Variants in CACNB2 observed in about 807,000 individuals in gnomAD.
The protein encoded by CACNB2 is calcium voltage-gated channel auxiliary subunit beta 2, also known as voltage-dependent L-type calcium channel subunit beta-2.
CACNB2 carries 42 observed loss-of-function variants against 73.3 expected under a neutral mutation model. The observed-to-expected ratio is 0.57, with a 90% CI of 0.45 to 0.74. The LOEUF (loss-of-function observed/expected upper bound fraction) is 0.74, where lower values mean the gene tolerates loss of function less well. Among genes scored for constraint, CACNB2 ranks in the 30% least tolerant of loss-of-function variants. CACNB2 has a pLI of 0.00. For missense variants in CACNB2, 940 were observed against 853.0 expected (o/e 1.10, Z -1.27); for synonymous variants, 348 against 310.3 (o/e 1.12, Z -1.28).
intron 6 of CACNB2, among the ~76,000 whole-genome samples, chr10:18,510,931 C>T (rs571810700): frequency 1.8e-4 from 28 of 152,336 alleles, no homozygotes; most frequent in African/African-American, 6.7e-4. Context: ...GCGCTGACAA[C>T]ATGCTGCTTG....
At chr10:18,255,512 C>T (rs112088382) in intron 2 of CACNB2, among the ~76,000 whole-genome samples, 304 of 152,182 alleles carry the variant, frequency 2.0e-3, no homozygotes, top group Non-Finnish European at 3.0e-3. Context: ...TGCCTTGCCC[C>T]CTGGACTTTA....
At chr10:18,399,365 T>G (rs1287820311) in intron 2 of CACNB2, among the ~76,000 whole-genome samples, 2 of 152,168 alleles carry the variant, frequency 1.3e-5, no homozygotes, top group African/African-American at 2.4e-5. Context: ...CCCATGCATT[T>G]TACAGTCACA....
rs375524475 is a variant in CACNB2 at position 18,460,766 on chromosome 10, T to A, written c.334-37589T>A. Among the ~76,000 whole-genome samples the A allele has an allele frequency of 1.9e-4, 29 of 151,954 alleles. No individual in the cohort carries two copies. The East Asian group carries it at 4.7e-3, about 24-fold the overall frequency. The stretch of plus-strand genomic sequence containing the variant: ...ATTATTATGTATGGTAGGGCACACC[T>A]GTGGCCCCAGCTACTCAGGAAGATG... On this transcript the variant is annotated intron_variant, in intron 3 of 13. Coordinates refer to ENST00000324631, the MANE Select transcript of CACNB2 (RefSeq NM_201596.3).
chr10:18,316,529 C>T (rs1481244148), intron 2 of CACNB2, among the ~76,000 whole-genome samples: 1 of 151,566 alleles, frequency 6.6e-6, no homozygotes, highest in East Asian at 1.9e-4. Flanking sequence ...AGTGGTGTGG[C>T]CATAGCTCAT....
chr10:18,356,319 C>A (rs1027877507), intron 2 of CACNB2, among the ~76,000 whole-genome samples: 1 of 152,240 alleles, frequency 6.6e-6, no homozygotes, highest in Admixed American at 6.5e-5. Context: ...TGTCTATACC[C>A]TGTGCTCTGT....
chr10:18,185,512 T>C (rs1016739831), intron 2 of CACNB2, among the ~76,000 whole-genome samples: 7 of 152,200 alleles, frequency 4.6e-5, no homozygotes, highest in African/African-American at 1.4e-4. Context: ...GCCCTGGAAA[T>C]GTTGAAAGGA....
At chr10:18,291,142 G>A (rs1428523029) in intron 2 of CACNB2, among the ~76,000 whole-genome samples, 2 of 152,214 alleles carry the variant, frequency 1.3e-5, no homozygotes, top group South Asian at 2.1e-4. Flanking sequence ...GTACTTACAG[G>A]TACTCATTGT....
chr10:18,498,537 T>G, intron 4 of CACNB2, 60 bp downstream of exon 4: 2 of 1,565,360 alleles, frequency 1.3e-6, no homozygotes, highest in Non-Finnish European at 1.8e-6. Context: ...TACCATTTCT[T>G]ATTTCCTATT....
At chr10:18,177,123 G>T (rs1200598486) in intron 2 of CACNB2, among the ~76,000 whole-genome samples, 5 of 152,112 alleles carry the variant, frequency 3.3e-5, no homozygotes, top group African/African-American at 1.2e-4. Flanking sequence ...AGAAGCAGAA[G>T]TGCCTGTTAG....
intron 2 of CACNB2, chr10:18,261,199 G>A (rs2037520601): frequency 6.5e-7 from 1 of 1,549,550 alleles, no homozygotes; most frequent in Non-Finnish European, 8.7e-7. Context: ...ATGGACCGAG[G>A]CTGTGACGAG....
chr10:18,427,606 G>A lies in CACNB2; in HGVS notation c.333+25563G>A, dbSNP rs1428568769. Reference sequence around the variant, plus strand: ...TAACTCACTGGGAAAATTCCTAAACGTACTGTGTTTTTTGTGCTTTGGGAA... The same window carrying A: ...TAACTCACTGGGAAAATTCCTAAACATACTGTGTTTTTTGTGCTTTGGGAA... On this transcript the variant is annotated intron_variant, in intron 3 of 13. Transcript: ENST00000324631. Among the ~76,000 whole-genome samples, 6 of 152,230 alleles carry A rather than the reference G, an allele frequency of 3.9e-5. No individual in the cohort carries two copies. In the East Asian group the frequency reaches 5.8e-4, roughly 15 times the overall value.
chr10:18,151,048 C>A, intron 2 of CACNB2, 73 bp downstream of exon 2: 1 of 951,464 alleles, frequency 1.1e-6, no homozygotes, highest in Non-Finnish European at 1.7e-6. Context: ...GGGTTTCACT[C>A]TTTTCCTTAA....
chr10:18,274,044 T>A (rs1004860475), intron 2 of CACNB2, among the ~76,000 whole-genome samples: 1 of 152,306 alleles, frequency 6.6e-6, no homozygotes, highest in East Asian at 1.9e-4. Flanking sequence ...AAAGTTCCAC[T>A]CCTTGGGGGT....
intron 10 of CACNB2, among the ~76,000 whole-genome samples, chr10:18,530,356 A>G (rs911458830): frequency 3.3e-5 from 5 of 152,160 alleles, no homozygotes; most frequent in Non-Finnish European, 7.4e-5. Context: ...TGTTTGTTTT[A>G]CAGGAAGACA....
intron 2 of CACNB2, among the ~76,000 whole-genome samples, chr10:18,160,839 A>T (rs1164793057): frequency 2.0e-5 from 3 of 152,222 alleles, no homozygotes; most frequent in Admixed American, 2.0e-4. Context: ...TTTGATGATT[A>T]TCACATGCTG....
At chr10:18,309,902 G>A (rs571113561) in intron 2 of CACNB2, among the ~76,000 whole-genome samples, 4 of 152,168 alleles carry the variant, frequency 2.6e-5, no homozygotes, top group Non-Finnish European at 5.9e-5. Flanking sequence ...TATTAGAATG[G>A]AGATAGAAAA....
At chr10:18,246,055 CA>C (rs2036846834) in intron 2 of CACNB2, among the ~76,000 whole-genome samples, 1 of 152,090 alleles carries the variant, frequency 6.6e-6, no homozygotes, top group Non-Finnish European at 1.5e-5. Context: ...TCAAAAGGTG[CA>C]GTGACCCTCT....
chr10:18,441,121 C>T (rs1341785212), intron 3 of CACNB2, among the ~76,000 whole-genome samples: 2 of 152,146 alleles, frequency 1.3e-5, no homozygotes, highest in African/African-American at 4.8e-5. Flanking sequence ...TAATAACCAT[C>T]CGGCTGGGTG....
chr10:18,539,936 G>A lies in CACNB2; in HGVS notation c.*212G>A, dbSNP rs2053977950. ...AGTGCTACATAAATTGGCCTGGTATGGCTGCAGTCCTCCGGTTGCATACTG... is the reference window on the plus strand; with the variant it reads ...AGTGCTACATAAATTGGCCTGGTATAGCTGCAGTCCTCCGGTTGCATACTG... On this transcript the variant is annotated 3_prime_UTR_variant, in exon 14 of 14. Coordinates refer to ENST00000324631, the MANE Select transcript of CACNB2 (RefSeq NM_201596.3). 8.8e-6 allele frequency: 5 copies of A among 565,892 alleles called. No homozygotes were observed. The highest frequency in any genetic ancestry group is 1.5e-5 in the Non-Finnish European group (5 of 330,050). 35.1% of individuals were successfully genotyped at this position (565,892 alleles called of 1,614,324 possible). A position where few individuals can be genotyped will look rare whatever the true frequency, so the allele number is the denominator to read the frequency against.
Sources: gnomAD v4.1 joint callset for allele counts (sites outside exome capture counted in the v4.1 genomes callset) on GRCh38, gnomAD v4.1.1 for gene constraint, MANE v1.5 for transcripts, NCBI Gene and HGNC (gene_info 2026-07-23, HGNC 2026-07-21) for gene names.